ZNF213: variants seen among roughly 807,000 people sequenced by gnomAD.
ZNF213 encodes the protein zinc finger protein 213, also known as putative transcription factor CR53.
A neutral mutation model predicts 46.0 loss-of-function variants in ZNF213; 32 were observed. That is an observed-to-expected ratio of 0.70 (90% confidence interval 0.52 to 0.93). The LOEUF is 0.93. ZNF213 is among the 40% of genes least tolerant of loss of function. ZNF213 has a pLI of 0.00. For missense variants in ZNF213, 639 were observed against 652.8 expected (o/e 0.98, Z 0.23); for synonymous variants, 297 against 271.0 (o/e 1.10, Z -0.94).
In ZNF213 at chr16:3,138,048, C is replaced by T. The variant is rs142961520; in HGVS notation, c.399+369C>T. 2.2e-4 allele frequency: 98 copies of T among 455,018 alleles called. 1 individual carries two copies. Among genetic ancestry groups the T allele is most frequent in the African/African-American group, 1.0e-3 (50 of 50,166 alleles). The allele number at this position is 455,018 out of a possible 1,614,324, so 28.2% of individuals were successfully genotyped here. On this transcript the variant is annotated intron_variant, in intron 2 of 5. Coordinates refer to ENST00000396878, the MANE Select transcript of ZNF213 (RefSeq NM_004220.3). ...AGTGGGGCGAGAAGGTGGAGCTGTC[C>T]GGGGCCTCTGCTACCTTGTGGGATG...
In ZNF213 at chr16:3,135,060, A is replaced by C. The variant is rs1431604643; in HGVS notation, c.-443A>C. 8.3e-6 allele frequency: 1 copy of C among 120,362 alleles called. No individual in the cohort carries two copies. The highest frequency in any genetic ancestry group is 1.7e-5 in the Non-Finnish European group (1 of 60,392). 7.5% of individuals were successfully genotyped at this position (120,362 alleles called of 1,614,324 possible). A position where few individuals can be genotyped will look rare whatever the true frequency, so the allele number is the denominator to read the frequency against. On this transcript the variant is annotated 5_prime_UTR_variant, in exon 1 of 6. Coordinates refer to ENST00000396878, the MANE Select transcript of ZNF213 (RefSeq NM_004220.3). ...TTCCGGCGCCGGGAGCTCGCGGCGG[A>C]AGTGGGATCTCCTGGGCCGTAGTGG...
chr16:3,138,035 A>C, intron 2 of ZNF213: 1 of 456,044 alleles, frequency 2.2e-6, no homozygotes, highest in Non-Finnish European at 3.9e-6. Flanking sequence ...TGGGGCGAGA[A>C]GGTGGAGCTG....
intron 1 of ZNF213, among the ~76,000 whole-genome samples, chr16:3,136,694 G>A (rs1358472378): frequency 6.6e-6 from 1 of 150,468 alleles, no homozygotes; most frequent in African/African-American, 2.5e-5. Flanking sequence ...TCCAGCCTGG[G>A]CGACAGAGTG....
Position 3,141,095 on chromosome 16 carries a change from C to G in ZNF213, c.1128C>G (p.Ser376=). Residue 376 remains serine (S), a synonymous_variant, in exon 6 of 6, where the codon TCC becomes TCG. Coordinates refer to ENST00000396878, the MANE Select transcript of ZNF213 (RefSeq NM_004220.3). ...VHTGEKPFSC[S]ECGKSFSRSA... is the part of the protein sequence containing the mutation. Reference sequence around the variant, plus strand: ...CGGGCGAGAAGCCCTTCTCCTGTTCCGAGTGCGGCAAGAGCTTCAGCCGCA... The same window carrying G: ...CGGGCGAGAAGCCCTTCTCCTGTTCGGAGTGCGGCAAGAGCTTCAGCCGCA... 1.2e-6 allele frequency: 2 copies of G among 1,612,796 alleles called. No individual in the cohort carries two copies. The highest frequency in any genetic ancestry group is 1.7e-6 in the Non-Finnish European group (2 of 1,179,554).
intron 2 of ZNF213, 104 bp from the exon 3 acceptor site, chr16:3,138,314 C>T (rs1377865883): frequency 6.4e-7 from 1 of 1,550,922 alleles, no homozygotes; most frequent in South Asian, 1.2e-5. Flanking sequence ...CTTCCCACAC[C>T]CCAGCATCCT....
At chr16:3,138,387 G>A (rs1388805740) in intron 2 of ZNF213, 31 bp from the exon 3 acceptor site, 1 of 1,612,802 alleles carries the variant, frequency 6.2e-7, no homozygotes, top group Non-Finnish European at 8.5e-7. Context: ...TCTGGTCTCG[G>A]GCTGATGAGC....
At chr16:3,135,430 C>G (rs1210466442) in intron 1 of ZNF213, 43 bp downstream of exon 1, 1 of 152,200 alleles carries the variant, frequency 6.6e-6, no homozygotes, top group African/African-American at 2.4e-5. Context: ...TTCGAAGTCA[C>G]CAGAGGATGA....
At position 3,141,051 on chromosome 16, in the gene ZNF213, C is replaced by T. The variant is rs760967703; in HGVS notation, c.1084C>T (p.Arg362Cys). ...CTTCCGCAGCTCCTCGGACCTGGTG[C>T]GCCACCAAGGCGTGCACACGGGCGA... ...KSFRSSSDLV[R>C]HQGVHTGEKP... Residue 362 changes from arginine to cysteine, a missense_variant, in exon 6 of 6, where the codon CGC becomes TGC. By Grantham distance (180) the Arg-to-Cys change is radical. Coordinates refer to ENST00000396878, the MANE Select transcript of ZNF213 (RefSeq NM_004220.3). 44 of 1,612,708 alleles carry T rather than the reference C, an allele frequency of 2.7e-5. No individual in the cohort carries two copies. The highest frequency in any genetic ancestry group is 2.8e-5 in the Non-Finnish European group (33 of 1,179,766).
chr16:3,140,684 T>G lies in ZNF213; in HGVS notation c.722-5T>G, dbSNP rs75818046. The stretch of plus-strand genomic sequence containing the variant: ...ACTGAAGAGGTCGCCTCCTTCCCCT[T>G]GCAGGTTTTGGGCTCAAAGGCCAAA... On this transcript the variant is annotated splice_region_variant and splice_polypyrimidine_tract_variant and intron_variant, in intron 5 of 5. Transcript: ENST00000396878. The G allele has an allele frequency of 6.7e-7, 1 of 1,499,180 alleles. No individual in the cohort carries two copies. The highest frequency in any genetic ancestry group is 8.9e-7 in the Non-Finnish European group (1 of 1,128,956). 92.9% of individuals were successfully genotyped at this position (1,499,180 alleles called of 1,614,324 possible).
chr16:3,138,954 G>C, intron 4 of ZNF213, 21 bp from the exon 5 acceptor site: 1 of 1,614,082 alleles, frequency 6.2e-7, no homozygotes. Context: ...GCCTGAGCCG[G>C]GTCTTCTCAC....
rs1387729820 is a variant in ZNF213, at chr16:3,138,824, T to A, written c.597+6T>A. ...GCTTTGTCTCTGGGGTCCATGTGAG[T>A]CACCAGTCCCTTTGTCTTCTTTAAG... On this transcript the variant is annotated splice_donor_region_variant and intron_variant, in intron 4 of 5. Coordinates refer to ENST00000396878, the MANE Select transcript of ZNF213 (RefSeq NM_004220.3). The A allele has an allele frequency of 6.8e-6, 11 of 1,613,800 alleles. No individual in the cohort carries two copies. Among genetic ancestry groups the A allele is most frequent in the African/African-American group, 1.3e-5 (1 of 74,934 alleles).
chr16:3,140,941 G>T lies in ZNF213; in HGVS notation c.974G>T (p.Arg325Leu), dbSNP rs866248367. ...CACAGCTGCGGGCAGTGTGGAAAGC[G>T]CTTCCGCTGGGGCTCGGACCTGGCG... ...KPHSCGQCGK[R>L]FRWGSDLARH... The change falls in exon 6 of 6, where the codon CGC (arginine) becomes CTC (leucine). Residue 325 changes from arginine (R) to leucine (L), a missense_variant. By Grantham distance (102) the Arg-to-Leu change is moderately radical. Transcript: ENST00000396878. 6.2e-7 allele frequency: 1 copy of T among 1,600,096 alleles called. No homozygotes were observed. The highest frequency in any genetic ancestry group is 1.3e-5 in the African/African-American group (1 of 74,858).
chr16:3,136,784 G>A (rs989718334), intron 1 of ZNF213, among the ~76,000 whole-genome samples: 1 of 152,042 alleles, frequency 6.6e-6, no homozygotes, highest in African/African-American at 2.4e-5. Flanking sequence ...ACACGAGTGG[G>A]TATAGCTCAA....
At position 3,137,268 on chromosome 16, in the gene ZNF213, T is replaced by A; in HGVS notation, c.-13T>A. The A allele has an allele frequency of 6.4e-7, 1 of 1,573,110 alleles. No individual in the cohort carries two copies. Among genetic ancestry groups the A allele is most frequent in the Non-Finnish European group, 8.6e-7 (1 of 1,158,744 alleles). ...GGTTGAAGCCGACCAACCCTGAGCC[T>A]CAGGCCAGGGGAATGGCAGCCCCCT... On this transcript the variant is annotated 5_prime_UTR_variant, in exon 2 of 6. Coordinates refer to ENST00000396878, the MANE Select transcript of ZNF213 (RefSeq NM_004220.3).
intron 2 of ZNF213, chr16:3,137,900 G>A: frequency 1.6e-6 from 1 of 621,382 alleles, no homozygotes. Context: ...GCAGCAATAG[G>A]GCTGAAGTGC....
intron 5 of ZNF213, chr16:3,139,480 G>GTTTTTTAA: frequency 5.1e-6 from 1 of 196,848 alleles, no homozygotes; most frequent in Non-Finnish European, 1.0e-5. Flanking sequence ...AGGAGCAGGG[G>GTTTTTTAA]TGCTGACGGG....
At position 3,137,153 on chromosome 16, in the gene ZNF213, G is replaced by C. The variant is rs1957548129; in HGVS notation, c.-115-13G>C. The stretch of plus-strand genomic sequence containing the variant: ...CCTTCCTCCTCAGTCCTGCCATTTT[G>C]CTCTTTCCCCAGGAGTACACATCCA... On this transcript the variant is annotated splice_polypyrimidine_tract_variant and intron_variant, in intron 1 of 5. Coordinates refer to ENST00000396878, the MANE Select transcript of ZNF213 (RefSeq NM_004220.3). 2.4e-6 allele frequency: 3 copies of C among 1,273,156 alleles called. No homozygotes were observed. Among genetic ancestry groups the C allele is most frequent in the Non-Finnish European group, 3.2e-6 (3 of 934,920 alleles). The allele number at this position is 1,273,156 out of a possible 1,614,324, so 78.9% of individuals were successfully genotyped here. A position where few individuals can be genotyped will look rare whatever the true frequency, so the allele number is the denominator to read the frequency against.
In ZNF213 at chr16:3,141,119, C is replaced by T. The variant is rs1957598562; in HGVS notation, c.1152C>T (p.Arg384=). ...SCSECGKSFS[R]SAYLADHQRI... The stretch of plus-strand genomic sequence containing the variant: ...CCGAGTGCGGCAAGAGCTTCAGCCG[C>T]AGCGCCTACCTGGCCGACCACCAGC... The change falls in exon 6 of 6, where the codon CGC becomes CGT. Residue 384 remains arginine (R), a synonymous_variant. Coordinates refer to ENST00000396878, the MANE Select transcript of ZNF213 (RefSeq NM_004220.3). 2 of 1,612,032 alleles carry T rather than the reference C, an allele frequency of 1.2e-6. No homozygotes were observed. Among genetic ancestry groups the T allele is most frequent in the African/African-American group, 1.3e-5 (1 of 74,814 alleles).
At chr16:3,137,818 A>C in intron 2 of ZNF213, 139 bp downstream of exon 2, 3 of 1,063,840 alleles carry the variant, frequency 2.8e-6, no homozygotes, top group Non-Finnish European at 4.0e-6. Flanking sequence ...ACACAAGCAC[A>C]GTGTGCCATG....
Sources: gnomAD v4.1 joint callset for allele counts (sites outside exome capture counted in the v4.1 genomes callset) on GRCh38, gnomAD v4.1.1 for gene constraint, MANE v1.5 for transcripts, NCBI Gene and HGNC (gene_info 2026-07-23, HGNC 2026-07-21) for gene names.